Variants in NAA60 observed in about 807,000 individuals in gnomAD.
NAA60 encodes the protein N-alpha-acetyltransferase 60.
In NAA60, 8 loss-of-function variants were observed where a neutral mutation model predicts 26.1. That is an observed-to-expected ratio of 0.31 (90% CI 0.18 to 0.55). The LOEUF (loss-of-function observed/expected upper bound fraction) is 0.55. Ranked by LOEUF, NAA60 falls within the 20% of genes least tolerant of loss-of-function variation. The probability of loss-of-function intolerance (pLI) is 0.93; values close to 1 mark genes in which losing one functional copy is unlikely to be tolerated. For synonymous variants in NAA60, 131 were observed against 122.5 expected, an observed-to-expected ratio of 1.07 and a Z score of -0.46; for missense variants, 290 against 311.3, an observed-to-expected ratio of 0.93 and a Z score of 0.51.
chr16:3,464,022 C>CTTTTA (rs570564808), intron 2 of NAA60, among the ~76,000 whole-genome samples: 253 of 152,240 alleles, frequency 1.7e-3, no homozygotes, highest in South Asian at 4.1e-3. Context: ...ATTTGGATTA[C>CTTTTA]TTTTATTTTA....
rs1555486002 is a variant in NAA60 at position 3,462,099 on chromosome 16, A to AAAAAAAC, written c.-7+13560_-7+13566dup. ...CAGACCTTATATCAAAAAAAAAAAA[A>AAAAAAAC]AAAAAACCTTTCAGTGCTATTTTTT... On this transcript the variant is annotated intron_variant, in intron 2 of 7. Coordinates refer to ENST00000407558, the MANE Select transcript of NAA60 (RefSeq NM_001083601.3). Among the ~76,000 whole-genome samples the AAAAAAAC allele has an allele frequency of 8.6e-5, 13 of 151,828 alleles. 1 individual carries two copies. In the South Asian group the frequency reaches 1.9e-3, roughly 22 times the overall value.
upstream of NAA60, chr16:3,443,629 A>C: frequency 2.2e-6 from 2 of 925,370 alleles, no homozygotes; most frequent in Non-Finnish European, 3.0e-6. Context: ...ACCTGTAGCC[A>C]CTGGGCAGCT....
intron 4 of NAA60, 22 bp from the exon 5 acceptor site, chr16:3,482,478 CTT>C: frequency 6.4e-7 from 1 of 1,567,124 alleles, no homozygotes; most frequent in South Asian, 1.2e-5. Flanking sequence ...GTGAGCCTGA[CTT>C]TCTCTCTGAC....
chr16:3,482,396 C>T, intron 4 of NAA60, 106 bp from the exon 5 acceptor site: 1 of 894,752 alleles, frequency 1.1e-6, no homozygotes, highest in Non-Finnish European at 1.8e-6. Flanking sequence ...GTCGGTGTCC[C>T]TCTGGCTGTC....
At position 3,485,874 on chromosome 16, in the gene NAA60, G is replaced by A. The variant is rs1199216703; in HGVS notation, c.*614G>A. 5 of 356,038 alleles carry A rather than the reference G, an allele frequency of 1.4e-5. No homozygotes were observed. The highest frequency in any genetic ancestry group is 2.8e-5 in the Non-Finnish European group (5 of 179,822). 22.1% of individuals were successfully genotyped at this position (356,038 alleles called of 1,614,324 possible). ...TTTCCTCGCAAGCACAGAGCTCTGAGGCTCAGCCCCCTGGCACAGGCGGTC... is the reference window on the plus strand; with the variant it reads ...TTTCCTCGCAAGCACAGAGCTCTGAAGCTCAGCCCCCTGGCACAGGCGGTC... On this transcript the variant is annotated 3_prime_UTR_variant, in exon 8 of 8. Coordinates refer to ENST00000407558, the MANE Select transcript of NAA60 (RefSeq NM_001083601.3).
intron 1 of NAA60, 189 bp downstream of exon 1, chr16:3,444,026 A>G: frequency 1.7e-6 from 2 of 1,154,142 alleles, no homozygotes; most frequent in South Asian, 5.0e-5. Context: ...GGTGTAGGCC[A>G]GGTTGCTGGA....
Position 3,483,502 on chromosome 16 carries a change from C to T in NAA60, c.477C>T (p.His159=). 6.2e-7 allele frequency: 1 copy of T among 1,613,994 alleles called. No homozygotes were observed. Among genetic ancestry groups the T allele is most frequent in the Non-Finnish European group, 8.5e-7 (1 of 1,179,882 alleles). ...AAAACAGAGACTTCAAGCAGCACCA[C>T]TATCTCCCCTATTACTACTCCATTC... ...FYENRDFKQH[H]YLPYYYSIRG... Residue 159 remains histidine (H), a synonymous_variant, in exon 6 of 8, where the codon CAC becomes CAT. Coordinates refer to ENST00000407558, the MANE Select transcript of NAA60 (RefSeq NM_001083601.3).
chr16:3,485,125 C>T (rs2037085465), intron 7 of NAA60, 64 bp downstream of exon 7: 2 of 977,690 alleles, frequency 2.0e-6, no homozygotes, highest in Admixed American at 2.0e-5. Context: ...GTGGAAGGCC[C>T]TGGATGGGCA....
At position 3,448,406 on chromosome 16, in the gene NAA60, C is replaced by T. The variant is rs143974879; in HGVS notation, c.-76-65C>T. On this transcript the variant is annotated intron_variant, in intron 1 of 7. Transcript: ENST00000407558. ...CAGGGTTTGTCTGACACTCATTAGC[C>T]TATGAGTTGTAGAGATGGGATGGCC... 6.0e-6 allele frequency: 8 copies of T among 1,326,042 alleles called. No homozygotes were observed. The African/African-American group carries it at 1.2e-4, about 19-fold the overall frequency. 82.1% of individuals were successfully genotyped at this position (1,326,042 alleles called of 1,614,324 possible).
intron 2 of NAA60, chr16:3,448,869 G>C (rs2034658137): frequency 4.1e-6 from 1 of 244,832 alleles, no homozygotes; most frequent in African/African-American, 2.3e-5. Flanking sequence ...GACAATGTTA[G>C]TGGAGAACGA....
At position 3,482,488 on chromosome 16, in the gene NAA60, G is replaced by T. The variant is rs768074879; in HGVS notation, c.241-14G>T. The stretch of plus-strand genomic sequence containing the variant: ...GACGTGTGAGCCTGACTTTCTCTCT[G>T]ACTCTTCCTCTAGGATGGAGATATT... On this transcript the variant is annotated splice_polypyrimidine_tract_variant and intron_variant, in intron 4 of 7. Coordinates refer to ENST00000407558, the MANE Select transcript of NAA60 (RefSeq NM_001083601.3). 1 of 1,582,072 alleles carries T rather than the reference G, an allele frequency of 6.3e-7. No individual in the cohort carries two copies. Among genetic ancestry groups the T allele is most frequent in the Admixed American group, 1.8e-5 (1 of 56,096 alleles).
chr16:3,482,903 C>T (rs754689530), intron 5 of NAA60: 20 of 519,782 alleles, frequency 3.8e-5, no homozygotes, highest in East Asian at 2.7e-4. Flanking sequence ...TGCCGCCACA[C>T]GCACAACTCG....
chr16:3,450,221 G>T, intron 2 of NAA60: 1 of 341,314 alleles, frequency 2.9e-6, no homozygotes, highest in Non-Finnish European at 5.3e-6. Flanking sequence ...CTGCTCTTCT[G>T]GGAGTGCTCC....
chr16:3,469,252 A>T (rs9934736), intron 2 of NAA60, among the ~76,000 whole-genome samples: 2 of 134,960 alleles, frequency 1.5e-5, no homozygotes, highest in African/African-American at 5.6e-5. Flanking sequence ...CCTGGTACCC[A>T]TCCTGTTTAG....
chr16:3,479,155 G>A (rs532483251), intron 3 of NAA60, among the ~76,000 whole-genome samples: 11 of 152,198 alleles, frequency 7.2e-5, no homozygotes, highest in Middle Eastern at 3.4e-3. Context: ...CAGGAGAATC[G>A]ATTGAACCCA....
Position 3,448,525 on chromosome 16 carries a change from A to C in NAA60, c.-22A>C, listed in dbSNP as rs185849747. 113 of 1,535,608 alleles carry C rather than the reference A, an allele frequency of 7.4e-5. No individual in the cohort carries two copies. The African/African-American group carries it at 1.4e-3, about 19-fold the overall frequency. On this transcript the variant is annotated 5_prime_UTR_variant, in exon 2 of 8. Coordinates refer to ENST00000407558, the MANE Select transcript of NAA60 (RefSeq NM_001083601.3). ...AAGTGCGGAGCCAGCCTGAGTTGGG[A>C]GAAGAGCTCCAGAGAGTGAGTCAAA...
Position 3,445,276 on chromosome 16 carries a change from C to CT in NAA60, c.-77+1457dup, listed in dbSNP as rs960897042. ...TTCCCTTCTTGGTTTGTGCTTATCTCTTTTTTTTTTTTTTTTTTGAGACAG... is the reference window on the plus strand; with the variant it reads ...TTCCCTTCTTGGTTTGTGCTTATCTCTTTTTTTTTTTTTTTTTTTGAGACAG... On this transcript the variant is annotated intron_variant, in intron 1 of 7. Transcript: ENST00000407558. Among the ~76,000 whole-genome samples the CT allele has an allele frequency of 5.1e-3, 607 of 118,472 alleles. 7 individuals carry two copies. The highest frequency in any genetic ancestry group is 0.017 in the African/African-American group (383 of 22,808). The allele number at this position is 118,472 out of a possible 152,430, so 77.7% of individuals were successfully genotyped here. A position where few individuals can be genotyped will look rare whatever the true frequency, so the allele number is the denominator to read the frequency against.
At chr16:3,467,625 T>TG (rs1567380128) in intron 2 of NAA60, 1 of 152,130 alleles carries the variant, frequency 6.6e-6, no homozygotes, top group African/African-American at 2.4e-5. Flanking sequence ...ATCATGAGGG[T>TG]GTCAGGAAAC....
intron 3 of NAA60, among the ~76,000 whole-genome samples, chr16:3,478,916 T>C (rs1287324814): frequency 3.3e-5 from 5 of 152,074 alleles, no homozygotes; most frequent in Non-Finnish European, 7.4e-5. Context: ...GTTGCTTCCA[T>C]GGAGACAGTT....
Sources: allele counts gnomAD v4.1 joint callset (sites outside exome capture counted in the v4.1 genomes callset), GRCh38; gene constraint gnomAD v4.1.1; transcripts MANE v1.5; gene names NCBI Gene and HGNC (gene_info 2026-07-23, HGNC 2026-07-21).